Variants in TMPRSS2 observed in about 807,000 individuals in gnomAD.
TMPRSS2 encodes the protein transmembrane protease serine 2.
In TMPRSS2, 59 loss-of-function variants were observed where a neutral mutation model predicts 67.4. The observed-to-expected ratio is 0.88, with a 90% confidence interval of 0.71 to 1.09. The LOEUF (loss-of-function observed/expected upper bound fraction) is 1.09. Ranked by LOEUF, TMPRSS2 falls within the 50% of genes least tolerant of loss-of-function variation. The probability of loss-of-function intolerance (pLI) is 0.00; values close to 1 mark genes in which losing one functional copy is unlikely to be tolerated. For missense variants in TMPRSS2, 668 were observed against 642.7 expected (o/e 1.04, Z -0.43); for synonymous variants, 257 against 257.0 (o/e 1.00, Z 0.00).
At chr21:41,483,294 TTC>T (rs2091270279) in intron 5 of TMPRSS2, among the ~76,000 whole-genome samples, 2 of 151,802 alleles carry the variant, frequency 1.3e-5, no homozygotes, top group African/African-American at 4.8e-5. Flanking sequence ...ATGAATACAC[TTC>T]TTCTTCTTCT....
chr21:41,489,867 G>A lies in TMPRSS2; in HGVS notation c.239-274C>T, dbSNP rs141764184. 8.9e-4 allele frequency among the ~76,000 whole-genome samples: 135 copies of A among 152,242 alleles called. 1 individual carries two copies. In the East Asian group the frequency reaches 0.017, roughly 19 times the overall value. On this transcript the variant is annotated intron_variant, in intron 3 of 13. Transcript: ENST00000332149. ...TCTTTTAAAAAGTATGGTATGCTTC[G>A]CTGGGCGCAGTGGCTCATGCAGGTA...
At chr21:41,495,176 T>G (rs1299734308) in intron 2 of TMPRSS2, among the ~76,000 whole-genome samples, 1 of 152,208 alleles carries the variant, frequency 6.6e-6, no homozygotes, top group Non-Finnish European at 1.5e-5. Context: ...TAACCAGAAC[T>G]TTCAATTACC....
At chr21:41,470,603 C>G in intron 11 of TMPRSS2, 45 bp downstream of exon 11, 1 of 1,576,274 alleles carries the variant, frequency 6.3e-7, no homozygotes, top group Non-Finnish European at 8.7e-7. Context: ...ACCCAATGCT[C>G]CATCTGTGGG....
intron 1 of TMPRSS2, 47 bp from the exon 2 acceptor site, chr21:41,498,236 T>G (rs771923164): frequency 7.7e-7 from 1 of 1,303,534 alleles, no homozygotes; most frequent in Non-Finnish European, 1.1e-6. Flanking sequence ...ACCAGTTAGT[T>G]TTTAGAAGAT....
Position 41,498,200 on chromosome 21 carries a change from G to A in TMPRSS2, c.-56-11C>T, listed in dbSNP as rs2091398995. ...AATGTTCAATATGACCTAGAAGAAA[G>A]AATTACAGGACTGTAATATTTCCAT... On this transcript the variant is annotated splice_polypyrimidine_tract_variant and intron_variant, in intron 1 of 13. Coordinates refer to ENST00000332149, the MANE Select transcript of TMPRSS2 (RefSeq NM_005656.4). The A allele has an allele frequency of 1.3e-6, 2 of 1,577,210 alleles. No homozygotes were observed. Among genetic ancestry groups the A allele is most frequent in the Non-Finnish European group, 1.7e-6 (2 of 1,148,290 alleles).
chr21:41,489,402 T>TC, intron 4 of TMPRSS2, 105 bp downstream of exon 4: 1 of 839,410 alleles, frequency 1.2e-6, no homozygotes, highest in Non-Finnish European at 1.9e-6. Context: ...GAGAGGAACC[T>TC]CACGGAGGGC....
chr21:41,479,757 T>C (rs2091242155), intron 6 of TMPRSS2, among the ~76,000 whole-genome samples: 1 of 152,060 alleles, frequency 6.6e-6, no homozygotes, highest in South Asian at 2.1e-4. Context: ...TTGAATACCC[T>C]AAAGTTGCAT....
chr21:41,466,835 C>T (rs1354093692), intron 13 of TMPRSS2, among the ~76,000 whole-genome samples: 5 of 152,212 alleles, frequency 3.3e-5, no homozygotes, highest in Non-Finnish European at 7.3e-5. Context: ...GAAAACTATA[C>T]GTCTGAGGTC....
Position 41,468,533 on chromosome 21 carries a change from T to G in TMPRSS2, c.1177A>C (p.Thr393Pro), listed in dbSNP as rs2091103783. ...TTGGCAGCGTTCAGCACTTCTGAGGTCTTCCCTAAGGACAGGGAGACTTGT... is the reference window on the plus strand; with the variant it reads ...TTGGCAGCGTTCAGCACTTCTGAGGGCTTCCCTAAGGACAGGGAGACTTGT... ...GWGATEEKGK[T>P]SEVLNAAKVL... The change falls in exon 12 of 14, where the codon ACC becomes CCC. Residue 393 changes from threonine (T) to proline (P), a missense_variant. Physicochemically the swap from Thr to Pro is conservative, Grantham distance 38. Transcript: ENST00000332149. 2 of 1,613,864 alleles carry G rather than the reference T, an allele frequency of 1.2e-6. No homozygotes were observed. The highest frequency in any genetic ancestry group is 1.7e-6 in the Non-Finnish European group (2 of 1,179,986).
chr21:41,499,976 C>T (rs1470671922), intron 1 of TMPRSS2, among the ~76,000 whole-genome samples: 1 of 152,204 alleles, frequency 6.6e-6, no homozygotes, highest in African/African-American at 2.4e-5. Context: ...CTCTGGGCTT[C>T]GGACCTGGCC....
intron 11 of TMPRSS2, among the ~76,000 whole-genome samples, chr21:41,469,329 G>C (rs973716861): frequency 6.6e-6 from 1 of 151,886 alleles, no homozygotes; most frequent in African/African-American, 2.4e-5. Flanking sequence ...CTATGAGCTG[G>C]CTTCCTGTCT....
At chr21:41,467,123 TCA>T (rs951939537) in intron 13 of TMPRSS2, among the ~76,000 whole-genome samples, 1 of 152,204 alleles carries the variant, frequency 6.6e-6, no homozygotes, top group Non-Finnish European at 1.5e-5. Context: ...GCACCGTGGT[TCA>T]CACTTGTAAT....
intron 5 of TMPRSS2, among the ~76,000 whole-genome samples, chr21:41,485,284 G>C (rs2091287677): frequency 6.6e-6 from 1 of 151,986 alleles, no homozygotes; most frequent in Non-Finnish European, 1.5e-5. Context: ...TAAGAAGAGA[G>C]CAACTCTTCA....
intron 1 of TMPRSS2, among the ~76,000 whole-genome samples, chr21:41,506,195 C>T (rs1423202384): frequency 6.6e-6 from 1 of 152,218 alleles, no homozygotes; most frequent in African/African-American, 2.4e-5. Flanking sequence ...GCTCCAGCAA[C>T]AGCACAAGCT....
At position 41,508,029 on chromosome 21, in the gene TMPRSS2, C is replaced by T. The variant is rs890983082; in HGVS notation, c.-57+52G>A. On this transcript the variant is annotated intron_variant, in intron 1 of 13. Coordinates refer to ENST00000332149, the MANE Select transcript of TMPRSS2 (RefSeq NM_005656.4). ...TCGGCGGGTCCCAGGCGCCCAGGTT[C>T]CCCTCCCCAGCCCGGACCCCGAGCC... The T allele has an allele frequency of 5.8e-5, 77 of 1,333,144 alleles. No homozygotes were observed. In the East Asian group the frequency reaches 2.2e-3, roughly 38 times the overall value. 82.6% of individuals were successfully genotyped at this position (1,333,144 alleles called of 1,614,324 possible). A position where few individuals can be genotyped will look rare whatever the true frequency, so the allele number is the denominator to read the frequency against.
intron 2 of TMPRSS2, 86 bp downstream of exon 2, chr21:41,498,033 A>G (rs759466040): frequency 1.2e-5 from 13 of 1,047,158 alleles, no homozygotes; most frequent in South Asian, 1.4e-5. Context: ...TAGCCCTTGC[A>G]ATTGCTGACC....
Position 41,489,544 on chromosome 21 carries a change from C to T in TMPRSS2, c.288G>A (p.Val96=), listed in dbSNP as rs1348805835. ...GTAGGCCAGCGGCCAGCGCAGCTCC[C>T]ACGAGGAAGGTCCCCAGGGTCAAGG... ...CITLTLGTFL[V]GAALAAGLLW... Residue 96 remains valine (V), a synonymous_variant, in exon 4 of 14, where the codon GTG becomes GTA. Transcript: ENST00000332149. 3.7e-6 allele frequency: 6 copies of T among 1,614,148 alleles called. No individual in the cohort carries two copies. The highest frequency in any genetic ancestry group is 5.1e-6 in the Non-Finnish European group (6 of 1,180,024).
chr21:41,487,974 G>A (rs1333700738), intron 5 of TMPRSS2: 1 of 154,910 alleles, frequency 6.5e-6, no homozygotes, highest in African/African-American at 2.4e-5. Context: ...TGTATTTTTA[G>A]TGGAGATAAG....
intron 1 of TMPRSS2, among the ~76,000 whole-genome samples, chr21:41,501,977 A>G (rs1300151729): frequency 6.6e-6 from 1 of 152,244 alleles, no homozygotes; most frequent in East Asian, 1.9e-4. Flanking sequence ...TGAAAGAGCA[A>G]CAGTGGGTGG....
Sources: gnomAD v4.1 joint callset for allele counts (sites outside exome capture counted in the v4.1 genomes callset) on GRCh38, gnomAD v4.1.1 for gene constraint, MANE v1.5 for transcripts, NCBI Gene and HGNC (gene_info 2026-07-23, HGNC 2026-07-21) for gene names.